Variants in LPP observed in about 807,000 individuals in gnomAD.
LPP encodes the protein LIM domain containing preferred translocation partner in lipoma, also known as lipoma-preferred partner.
In LPP, 38 loss-of-function variants were observed where a neutral mutation model predicts 60.4. The observed-to-expected ratio is 0.63, with a 90% CI of 0.49 to 0.83. The LOEUF (loss-of-function observed/expected upper bound fraction) is 0.83, where lower values mean the gene tolerates loss of function less well. Ranked by LOEUF, LPP falls within the 40% of genes least tolerant of loss-of-function variation. The pLI is 0.00. For missense variants in LPP, 902 were observed against 783.6 expected, an observed-to-expected ratio of 1.15 and a Z score of -1.80; for synonymous variants, 328 against 290.8, an observed-to-expected ratio of 1.13 and a Z score of -1.30.
chr3:188,507,480 T>C (rs1389065513), intron 5 of LPP, among the ~76,000 whole-genome samples: 2 of 152,156 alleles, frequency 1.3e-5, no homozygotes, highest in Non-Finnish European at 2.9e-5. Flanking sequence ...AATTTTTTTT[T>C]TTTGTAGTGA....
At chr3:188,242,383 C>CAGAG (rs887912849) in intron 2 of LPP, among the ~76,000 whole-genome samples, 2 of 147,864 alleles carry the variant, frequency 1.4e-5, no homozygotes, top group East Asian at 2.0e-4. Flanking sequence ...AAGAGAGAGA[C>CAGAG]AGAGAGAGAG....
intron 7 of LPP, among the ~76,000 whole-genome samples, chr3:188,665,457 C>CTTTTTTT (rs371444537): frequency 1.1e-5 from 1 of 87,052 alleles, no homozygotes; most frequent in African/African-American, 4.2e-5. Flanking sequence ...TCTTCTTCTT[C>CTTTTTTT]TTCTTTTTTT....
At chr3:188,427,955 G>C (rs1215489226) in intron 4 of LPP, among the ~76,000 whole-genome samples, 1 of 152,020 alleles carries the variant, frequency 6.6e-6, no homozygotes, top group Non-Finnish European at 1.5e-5. Context: ...GAGCCACTGG[G>C]GTATGAAAAA....
chr3:188,339,314 C>G (rs1762448947), intron 2 of LPP, among the ~76,000 whole-genome samples: 1 of 152,170 alleles, frequency 6.6e-6, no homozygotes, highest in Non-Finnish European at 1.5e-5. Flanking sequence ...AGGACACATG[C>G]CACTCAATCC....
intron 8 of LPP, among the ~76,000 whole-genome samples, chr3:188,715,376 C>CAA (rs35761284): frequency 0.014 from 922 of 63,674 alleles, 93 homozygotes; most frequent in African/African-American, 0.018. Context: ...GACTCCGTCT[C>CAA]AAAAAAAAAA....
At chr3:188,163,156 G>C (rs183863482) in intron 1 of LPP, among the ~76,000 whole-genome samples, 402 of 152,158 alleles carry the variant, frequency 2.6e-3, no homozygotes, top group Middle Eastern at 0.01. Context: ...ACCCGTGGAG[G>C]GTCTGCTTCT....
At chr3:188,653,183 C>T (rs975583530) in intron 7 of LPP, among the ~76,000 whole-genome samples, 1 of 152,192 alleles carries the variant, frequency 6.6e-6, no homozygotes, top group Non-Finnish European at 1.5e-5. Context: ...GATCTTACTG[C>T]TTCAGTTATA....
chr3:188,665,433 G>T (rs1230511304), intron 7 of LPP, among the ~76,000 whole-genome samples: 2 of 149,998 alleles, frequency 1.3e-5, no homozygotes, highest in Non-Finnish European at 3.0e-5. Flanking sequence ...TCTAAACAGA[G>T]CAAACATATT....
At position 188,883,049 on chromosome 3, in the gene LPP, G is replaced by C; in HGVS notation, c.*8570G>C. On this transcript the variant is annotated 3_prime_UTR_variant, in exon 12 of 12. Transcript: ENST00000617246. ...TATCAGGGAGCTCATTATTCCTTGA[G>C]GTCTTACATTTCTTTCAGCACATTT... 1 of 203,212 alleles carries C rather than the reference G, an allele frequency of 4.9e-6. No individual in the cohort carries two copies. The highest frequency in any genetic ancestry group is 7.5e-5 in the East Asian group (1 of 13,270). 12.6% of individuals were successfully genotyped at this position (203,212 alleles called of 1,614,324 possible). A position where few individuals can be genotyped will look rare whatever the true frequency, so the allele number is the denominator to read the frequency against.
intron 9 of LPP, among the ~76,000 whole-genome samples, chr3:188,782,680 T>C (rs1022052812): frequency 7.9e-5 from 12 of 151,842 alleles, no homozygotes; most frequent in Non-Finnish European, 1.8e-4. Context: ...AGCAATATTC[T>C]GATGCAGATG....
chr3:188,753,834 A>T (rs556797401), intron 8 of LPP, among the ~76,000 whole-genome samples: 2 of 152,050 alleles, frequency 1.3e-5, no homozygotes, highest in East Asian at 1.9e-4. Flanking sequence ...GGAAACAGAC[A>T]TTGGAGCCAC....
At chr3:188,643,347 G>A (rs1420900153) in intron 7 of LPP, among the ~76,000 whole-genome samples, 6 of 152,140 alleles carry the variant, frequency 3.9e-5, no homozygotes, top group African/African-American at 1.4e-4. Context: ...CTCCAAGACT[G>A]TCACTTCTTC....
intron 7 of LPP, among the ~76,000 whole-genome samples, chr3:188,611,941 C>T (rs1843798348): frequency 6.6e-6 from 1 of 152,168 alleles, no homozygotes; most frequent in African/African-American, 2.4e-5. Flanking sequence ...CTGTCCTCAC[C>T]AACTGACACA....
At chr3:188,501,186 A>C (rs1316130650) in intron 5 of LPP, among the ~76,000 whole-genome samples, 1 of 152,018 alleles carries the variant, frequency 6.6e-6, no homozygotes, top group Non-Finnish European at 1.5e-5. Flanking sequence ...TTAATGGTGT[A>C]TAGCTATAAA....
intron 1 of LPP, among the ~76,000 whole-genome samples, chr3:188,223,310 A>T (rs1334555447): frequency 6.6e-6 from 1 of 152,204 alleles, no homozygotes; most frequent in African/African-American, 2.4e-5. Flanking sequence ...CTTCTGAACT[A>T]TAACCGGGTG....
chr3:188,490,552 T>C (rs1808022533), intron 5 of LPP, among the ~76,000 whole-genome samples: 1 of 151,282 alleles, frequency 6.6e-6, no homozygotes, highest in Non-Finnish European at 1.5e-5. Flanking sequence ...TTAGTAGAGA[T>C]GGGGTTTCGC....
intron 1 of LPP, among the ~76,000 whole-genome samples, chr3:188,208,034 A>G (rs1477610472): frequency 6.6e-6 from 1 of 152,240 alleles, no homozygotes; most frequent in East Asian, 1.9e-4. Context: ...TCTATGCAAT[A>G]AATTACTTTA....
In LPP at chr3:188,592,557, G is replaced by GTTTGTTTTTTTTTTTTTTTTTTTTTTT. The variant is rs1260656926; in HGVS notation, c.430-16601_430-16600insGTTTTTTTTTTTTTTTTTTTTTTTTTT. 5.4e-4 allele frequency among the ~76,000 whole-genome samples: 46 copies of GTTTGTTTTTTTTTTTTTTTTTTTTTTT among 85,750 alleles called. 1 individual carries two copies. Among genetic ancestry groups the GTTTGTTTTTTTTTTTTTTTTTTTTTTT allele is most frequent in the African/African-American group, 1.4e-3 (32 of 22,154 alleles). The allele number at this position is 85,750 out of a possible 152,430, so 56.3% of individuals were successfully genotyped here. A position where few individuals can be genotyped will look rare whatever the true frequency, so the allele number is the denominator to read the frequency against. ...TATCACTGTTTTTAGTTTTGTTTTT[G>GTTTGTTTTTTTTTTTTTTTTTTTTTTT]TTTTTTAAATGGAGTCTCACTCTTT... On this transcript the variant is annotated intron_variant, in intron 6 of 11. Coordinates refer to ENST00000617246, the MANE Select transcript of LPP (RefSeq NM_001375462.1).
rs570045563 is a variant in LPP, at chr3:188,510,703, C to G, written c.307-13962C>G. ...AGCTGACCCTTTGAGTCTGCTCTTA[C>G]TCTATTTTTACCTTAAAGAACACTC... On this transcript the variant is annotated intron_variant, in intron 5 of 11. Transcript: ENST00000617246. Among the ~76,000 whole-genome samples, 36 of 152,320 alleles carry G rather than the reference C, an allele frequency of 2.4e-4. 1 individual carries two copies. Among genetic ancestry groups the G allele is most frequent in the South Asian group, 1.5e-3 (7 of 4,824 alleles).
Sources: gnomAD v4.1 joint callset for allele counts (sites outside exome capture counted in the v4.1 genomes callset) on GRCh38, gnomAD v4.1.1 for gene constraint, MANE v1.5 for transcripts, NCBI Gene and HGNC (gene_info 2026-07-23, HGNC 2026-07-21) for gene names.